The following CALN1 variants were observed in gnomAD, a reference collection of about 807,000 sequenced individuals.
CALN1 encodes calcium-binding protein 8.
In CALN1, 17 loss-of-function variants were observed where a neutral mutation model predicts 30.6. The ratio of observed to expected loss-of-function variants is 0.56; its 90% CI spans 0.38 to 0.83. The LOEUF is 0.83. CALN1 is among the 40% of genes least tolerant of loss of function. CALN1 has a pLI of 0.00. For synonymous variants in CALN1, 156 were observed against 131.4 expected (o/e 1.19, Z -1.28); for missense variants, 291 against 354.9 (o/e 0.82, Z 1.45).
intron 5 of CALN1, among the ~76,000 whole-genome samples, chr7:71,889,937 C>T (rs896171939): frequency 2.3e-4 from 34 of 150,558 alleles, no homozygotes; most frequent in African/African-American, 8.1e-4. Flanking sequence ...TGCACACCAG[C>T]CTGGGTGACA....
At chr7:72,216,741 C>G (rs367659206) in intron 3 of CALN1, among the ~76,000 whole-genome samples, 1 of 152,188 alleles carries the variant, frequency 6.6e-6, no homozygotes, top group Non-Finnish European at 1.5e-5. Flanking sequence ...CCAAAAGAGA[C>G]AACTTCACAG....
chr7:72,323,331 G>A (rs1166822397), intron 2 of CALN1, among the ~76,000 whole-genome samples: 1 of 152,124 alleles, frequency 6.6e-6, no homozygotes, highest in Non-Finnish European at 1.5e-5. Context: ...TGAAGCTACG[G>A]ATGTCAGGAA....
rs143865545 is a variant in CALN1 at position 71,931,335 on chromosome 7, G to A, written c.501+92322C>T. Among the ~76,000 whole-genome samples, 13 of 151,974 alleles carry A rather than the reference G, an allele frequency of 8.6e-5. No homozygotes were observed. In the East Asian group the frequency reaches 1.9e-3, roughly 23 times the overall value. The stretch of plus-strand genomic sequence containing the variant: ...GGCTAGAGTGCAGTGGAGTGATCTC[G>A]GCTCACTGCAACCTCCGTCTCCTGG... On this transcript the variant is annotated intron_variant, in intron 5 of 6. Coordinates refer to ENST00000395275, the MANE Select transcript of CALN1 (RefSeq NM_031468.4).
At chr7:71,810,864 C>A (rs1787908831) in intron 5 of CALN1, among the ~76,000 whole-genome samples, 1 of 150,988 alleles carries the variant, frequency 6.6e-6, no homozygotes, top group African/African-American at 2.4e-5. Context: ...TACCAACACT[C>A]TGGCAATTCC....
chr7:71,871,734 T>TC, intron 5 of CALN1, among the ~76,000 whole-genome samples: 1 of 152,240 alleles, frequency 6.6e-6, no homozygotes, highest in East Asian at 1.9e-4. Flanking sequence ...TTCCCATGAA[T>TC]CACTCTCCTC....
chr7:72,396,422 C>CA (rs56030535), intron 2 of CALN1, among the ~76,000 whole-genome samples: 67,925 of 113,426 alleles, frequency 0.6, 18,683 homozygotes, highest in African/African-American at 0.73. Flanking sequence ...GACTCTGTCT[C>CA]AAAAAAAAAA....
chr7:72,351,308 G>A (rs1317867587), intron 2 of CALN1, among the ~76,000 whole-genome samples: 1 of 152,072 alleles, frequency 6.6e-6, no homozygotes, highest in Non-Finnish European at 1.5e-5. Context: ...TTCAAGACCA[G>A]CCTTGGCAAC....
At chr7:71,966,348 A>G (rs1270717115) in intron 5 of CALN1, among the ~76,000 whole-genome samples, 1 of 152,084 alleles carries the variant, frequency 6.6e-6, no homozygotes. Flanking sequence ...CTGTGTCCCC[A>G]CCCAAGTCTC....
At chr7:72,437,678 T>C (rs56879997) in intron 1 of CALN1, among the ~76,000 whole-genome samples, 34 of 41,136 alleles carry the variant, frequency 8.3e-4, no homozygotes, top group Admixed American at 1.5e-3. Context: ...TTCTTTCCTT[T>C]TTTCTTTCCT....
chr7:72,300,714 A>G (rs925647190), intron 2 of CALN1, among the ~76,000 whole-genome samples: 3 of 152,162 alleles, frequency 2.0e-5, no homozygotes, highest in Non-Finnish European at 4.4e-5. Context: ...ATTTATAGCC[A>G]GTCACGGTGG....
At chr7:71,848,172 T>C (rs930764402) in intron 5 of CALN1, among the ~76,000 whole-genome samples, 1 of 152,200 alleles carries the variant, frequency 6.6e-6, no homozygotes, top group South Asian at 2.1e-4. Flanking sequence ...GGAATGCCAA[T>C]TTTAAAGAAT....
Position 72,139,718 on chromosome 7 carries a change from G to A in CALN1, c.245-33424C>T, listed in dbSNP as rs575881700. On this transcript the variant is annotated intron_variant, in intron 3 of 6. Transcript: ENST00000395275. ...ATGTCCATCCTCTTCTAAGCTCCTCGGTCACCTCCACCCTCTAGGAACCTC... is the reference window on the plus strand; with the variant it reads ...ATGTCCATCCTCTTCTAAGCTCCTCAGTCACCTCCACCCTCTAGGAACCTC... Among the ~76,000 whole-genome samples, 93 of 152,154 alleles carry A rather than the reference G, an allele frequency of 6.1e-4. 2 individuals carry two copies. The South Asian group carries it at 0.017, about 29-fold the overall frequency.
chr7:72,018,669 C>T (rs1164799991), intron 5 of CALN1, among the ~76,000 whole-genome samples: 1 of 152,130 alleles, frequency 6.6e-6, no homozygotes, highest in African/African-American at 2.4e-5. Flanking sequence ...AACTATATTC[C>T]CCCTTCACTG....
intron 1 of CALN1, among the ~76,000 whole-genome samples, chr7:72,407,949 G>GTTTGTT (rs1562954981): frequency 1.3e-5 from 2 of 152,038 alleles, no homozygotes; most frequent in African/African-American, 4.8e-5. Context: ...TGGAGGATCA[G>GTTTGTT]CTTGTTCCTG....
intron 3 of CALN1, among the ~76,000 whole-genome samples, chr7:72,248,398 C>G (rs1795330056): frequency 6.6e-6 from 1 of 152,186 alleles, no homozygotes; most frequent in Non-Finnish European, 1.5e-5. Context: ...CACGCCCGGC[C>G]TCTTTGCCTT....
intron 1 of CALN1, among the ~76,000 whole-genome samples, chr7:72,442,583 G>A (rs940245104): frequency 7.0e-6 from 1 of 143,092 alleles, no homozygotes; most frequent in Non-Finnish European, 1.6e-5. Context: ...TTTAGGATTG[G>A]ACTTTATTAA....
chr7:72,227,529 G>A lies in CALN1; in HGVS notation c.244+51157C>T, dbSNP rs191170724. Among the ~76,000 whole-genome samples the A allele has an allele frequency of 9.3e-3, 1,318 of 141,788 alleles. 8 individuals are homozygous for A. Among genetic ancestry groups the A allele is most frequent in the Middle Eastern group, 0.019 (5 of 268 alleles). The allele number at this position is 141,788 out of a possible 152,430, so 93.0% of individuals were successfully genotyped here. Reference sequence around the variant, plus strand: ...CACTCCAGCCTGGGTGACAGAGAAAGACTCCGTCTCAAAAAAAAAAGAAAA... The same window carrying A: ...CACTCCAGCCTGGGTGACAGAGAAAAACTCCGTCTCAAAAAAAAAAGAAAA... On this transcript the variant is annotated intron_variant, in intron 3 of 6. Transcript: ENST00000395275.
At chr7:71,813,746 G>A (rs1035558644) in intron 5 of CALN1, among the ~76,000 whole-genome samples, 2 of 151,964 alleles carry the variant, frequency 1.3e-5, no homozygotes, top group Non-Finnish European at 2.9e-5. Flanking sequence ...TGGCTAACAT[G>A]GTGAAACCCC....
At chr7:71,898,830 A>T (rs1490520002) in intron 5 of CALN1, among the ~76,000 whole-genome samples, 2 of 152,246 alleles carry the variant, frequency 1.3e-5, no homozygotes, top group Non-Finnish European at 2.9e-5. Context: ...TCATCTCAAC[A>T]ACAATGGATA....
Sources: gnomAD v4.1 joint callset for allele counts (sites outside exome capture counted in the v4.1 genomes callset) on GRCh38, gnomAD v4.1.1 for gene constraint, MANE v1.5 for transcripts, NCBI Gene and HGNC (gene_info 2026-07-23, HGNC 2026-07-21) for gene names.